The following MAP2 variants were observed in gnomAD, a reference collection of about 807,000 sequenced individuals.
MAP2 encodes the protein microtubule-associated protein 2.
MAP2 carries 14 observed loss-of-function variants against 137.6 expected under a neutral mutation model. The observed-to-expected ratio is 0.10, with a 90% CI of 0.07 to 0.16. MAP2 has a LOEUF of 0.16. Ranked by LOEUF, MAP2 falls within the 10% of genes least tolerant of loss-of-function variation. MAP2 has a pLI of 1.00. For synonymous variants in MAP2, 786 were observed against 782.3 expected, an observed-to-expected ratio of 1.00 and a Z score of -0.08; for missense variants, 2,088 against 2,191.5, an observed-to-expected ratio of 0.95 and a Z score of 0.94.
intron 10 of MAP2, 87 bp downstream of exon 10, chr2:209,697,138 T>C: frequency 7.3e-7 from 1 of 1,361,718 alleles, no homozygotes; most frequent in Non-Finnish European, 9.8e-7. Flanking sequence ...TTCTTCATTT[T>C]GTTTTTCTTC....
At chr2:209,473,309 C>T (rs1706272148) in intron 1 of MAP2, among the ~76,000 whole-genome samples, 1 of 152,110 alleles carries the variant, frequency 6.6e-6, no homozygotes, top group African/African-American at 2.4e-5. Context: ...TGCCTTTCTA[C>T]TCAGTGACTT....
At chr2:209,625,012 G>T (rs1263298878) in intron 3 of MAP2, 41 bp from the exon 4 acceptor site, 2 of 152,118 alleles carry the variant, frequency 1.3e-5, no homozygotes, top group African/African-American at 4.8e-5. Context: ...TAATGTATAT[G>T]GATCAGGGAT....
At chr2:209,698,038 C>T (rs1280135345) in intron 10 of MAP2, among the ~76,000 whole-genome samples, 11 of 150,564 alleles carry the variant, frequency 7.3e-5, no homozygotes, top group East Asian at 2.0e-4. Flanking sequence ...TTAGTAGAGA[C>T]GGGGTTTCAC....
intron 2 of MAP2, among the ~76,000 whole-genome samples, chr2:209,521,064 T>G (rs1253576160): frequency 6.6e-6 from 1 of 152,094 alleles, no homozygotes; most frequent in African/African-American, 2.4e-5. Flanking sequence ...GTTTAGAGCT[T>G]CTTATAATTT....
chr2:209,708,704 A>AT (rs541223382), intron 12 of MAP2, among the ~76,000 whole-genome samples: 166 of 152,288 alleles, frequency 1.1e-3, no homozygotes, highest in African/African-American at 3.6e-3. Flanking sequence ...AGATTCATTG[A>AT]TTTTTTTACT....
intron 1 of MAP2, among the ~76,000 whole-genome samples, chr2:209,491,381 A>G (rs1180631843): frequency 6.6e-6 from 1 of 152,224 alleles, no homozygotes; most frequent in Non-Finnish European, 1.5e-5. Context: ...ATCACAATTA[A>G]AAGAACTAGA....
At chr2:209,562,845 G>C (rs1022603521) in intron 2 of MAP2, among the ~76,000 whole-genome samples, 1 of 152,074 alleles carries the variant, frequency 6.6e-6, no homozygotes, top group Non-Finnish European at 1.5e-5. Context: ...ACTAGCCTTA[G>C]AATATAAAGC....
Position 209,574,432 on chromosome 2 carries a change from T to TACACACACACACACAC in MAP2, c.-171-5590_-171-5575dup, listed in dbSNP as rs57166815. On this transcript the variant is annotated intron_variant, in intron 2 of 15. Coordinates refer to ENST00000682079, the MANE Select transcript of MAP2 (RefSeq NM_001375505.1). The stretch of plus-strand genomic sequence containing the variant: ...CTTTTTTAGAGCTGCATAGTATAGA[T>TACACACACACACACAC]ACACACACACACACACACACACACA... 6.3e-3 allele frequency among the ~76,000 whole-genome samples: 938 copies of TACACACACACACACAC among 148,778 alleles called. 16 individuals carry two copies. Among genetic ancestry groups the TACACACACACACACAC allele is most frequent in the African/African-American group, 0.022 (885 of 40,468 alleles).
chr2:209,540,832 G>C (rs2066894164), intron 2 of MAP2, among the ~76,000 whole-genome samples: 1 of 150,282 alleles, frequency 6.7e-6, no homozygotes. Context: ...TCAATCTACT[G>C]TATGCATTAT....
chr2:209,681,417 A>G (rs191147502), intron 7 of MAP2, among the ~76,000 whole-genome samples: 1 of 152,250 alleles, frequency 6.6e-6, no homozygotes, highest in Admixed American at 6.5e-5. Flanking sequence ...GAGACCTGTT[A>G]TTGTCCATGG....
At chr2:209,646,469 G>A (rs1201335384) in intron 4 of MAP2, among the ~76,000 whole-genome samples, 2 of 152,032 alleles carry the variant, frequency 1.3e-5, no homozygotes, top group Non-Finnish European at 2.9e-5. Context: ...TTTAAACATA[G>A]AACATTACAA....
intron 5 of MAP2, among the ~76,000 whole-genome samples, chr2:209,661,203 C>T (rs2043443250): frequency 6.6e-6 from 1 of 152,160 alleles, no homozygotes; most frequent in African/African-American, 2.4e-5. Flanking sequence ...CCCTTTCTCC[C>T]CTGCCTCCGT....
At chr2:209,664,505 C>T (rs1226490708) in intron 5 of MAP2, among the ~76,000 whole-genome samples, 6 of 152,036 alleles carry the variant, frequency 3.9e-5, no homozygotes, top group Admixed American at 1.3e-4. Flanking sequence ...AGTCAGATCA[C>T]GCCACTGCAC....
At chr2:209,670,020 G>C (rs1367881439) in intron 5 of MAP2, among the ~76,000 whole-genome samples, 2 of 151,916 alleles carry the variant, frequency 1.3e-5, no homozygotes, top group African/African-American at 4.8e-5. Flanking sequence ...CATCTACAAA[G>C]AGTAGTACAA....
intron 7 of MAP2, among the ~76,000 whole-genome samples, chr2:209,688,968 C>A (rs985297754): frequency 4.6e-4 from 70 of 152,096 alleles, no homozygotes; most frequent in African/African-American, 1.6e-3. Context: ...CTAAGTTCTT[C>A]TAAACTAAAT....
intron 1 of MAP2, among the ~76,000 whole-genome samples, chr2:209,426,197 TAC>T (rs1453534363): frequency 1.3e-5 from 2 of 152,186 alleles, no homozygotes; most frequent in Admixed American, 6.5e-5. Flanking sequence ...TTTCATATTT[TAC>T]AGTTTGCTAC....
chr2:209,425,629 T>A (rs1692346491), intron 1 of MAP2, among the ~76,000 whole-genome samples: 1 of 152,178 alleles, frequency 6.6e-6, no homozygotes, highest in Non-Finnish European at 1.5e-5. Flanking sequence ...AAACTGAAAT[T>A]GAGGTTTGCA....
chr2:209,529,441 C>T (rs1467724395), intron 2 of MAP2, among the ~76,000 whole-genome samples: 1 of 152,086 alleles, frequency 6.6e-6, no homozygotes, highest in Non-Finnish European at 1.5e-5. Context: ...AGATGAGGAA[C>T]ATTGCTGGGT....
At chr2:209,626,803 CTTA>C (rs1222094925) in intron 4 of MAP2, among the ~76,000 whole-genome samples, 1 of 152,114 alleles carries the variant, frequency 6.6e-6, no homozygotes, top group African/African-American at 2.4e-5. Flanking sequence ...GTTGACTCAT[CTTA>C]ATGTTTTAAT....
Sources: gnomAD v4.1 joint callset for allele counts (sites outside exome capture counted in the v4.1 genomes callset) on GRCh38, gnomAD v4.1.1 for gene constraint, MANE v1.5 for transcripts, NCBI Gene and HGNC (gene_info 2026-07-23, HGNC 2026-07-21) for gene names.